Variants in BLNK observed in about 807,000 individuals in gnomAD.
BLNK encodes the protein B-cell linker protein.
Under a neutral mutation model 73.5 loss-of-function variants are expected in BLNK, and 29 were observed. The ratio of observed to expected loss-of-function variants is 0.39; its 90% CI spans 0.29 to 0.54. BLNK has a LOEUF of 0.54. BLNK is among the 20% of genes least tolerant of loss of function. BLNK has a pLI of 0.61. For missense variants in BLNK, 460 were observed against 562.8 expected (o/e 0.82, Z 1.85); for synonymous variants, 176 against 200.8 (o/e 0.88, Z 1.04).
chr10:96,256,760 A>G (rs1193837172), intron 1 of BLNK, among the ~76,000 whole-genome samples: 7 of 151,978 alleles, frequency 4.6e-5, no homozygotes, highest in Non-Finnish European at 8.8e-5. Flanking sequence ...GTGTGCCTGT[A>G]ATCCCAGCTA....
At position 96,190,846 on chromosome 10, in the gene BLNK, G is replaced by T. The variant is rs1464294909; in HGVS notation, c.*1127C>A. 6.6e-6 allele frequency among the ~76,000 whole-genome samples: 1 copy of T among 152,176 alleles called. No homozygotes were observed. The highest frequency in any genetic ancestry group is 1.5e-5 in the Non-Finnish European group (1 of 68,036). On this transcript the variant is annotated 3_prime_UTR_variant, in exon 17 of 17. Transcript: ENST00000224337. ...GATGGTATCTCTTTTATTCCTTGGT[G>T]TTCACCAATGTCTGCTTTTCTGCTC...
chr10:96,189,323 A>G lies in BLNK; in HGVS notation c.*2650T>C. 8 of 515,014 alleles carry G rather than the reference A, an allele frequency of 1.6e-5. No individual in the cohort carries two copies. Among genetic ancestry groups the G allele is most frequent in the South Asian group, 1.3e-4 (8 of 63,460 alleles). The allele number at this position is 515,014 out of a possible 1,614,324, so 31.9% of individuals were successfully genotyped here. On this transcript the variant is annotated 3_prime_UTR_variant, in exon 17 of 17. Transcript: ENST00000224337. ...TATTGACTGTTAGAGAAATGAAATA[A>G]GATGGAAAAATGTTAACAAATTGTT... is the stretch of plus-strand genomic sequence containing the variant.
rs587759007 is a variant in BLNK at position 96,237,656 on chromosome 10, G to A, written c.163+5079C>T. Among the ~76,000 whole-genome samples, 33 of 152,310 alleles carry A rather than the reference G, an allele frequency of 2.2e-4. No homozygotes were observed. The South Asian group carries it at 6.2e-3, about 29-fold the overall frequency. On this transcript the variant is annotated intron_variant, in intron 3 of 16. Coordinates refer to ENST00000224337, the MANE Select transcript of BLNK (RefSeq NM_013314.4). ...ACCTCAGACTTCAAAGATACCGAAG[G>A]CTGTTCAACTGTGAAAGCTCAGGAA...
intron 1 of BLNK, among the ~76,000 whole-genome samples, chr10:96,255,158 C>T (rs567162077): frequency 6.6e-6 from 1 of 152,300 alleles, no homozygotes; most frequent in East Asian, 1.9e-4. Flanking sequence ...TATCTGCAGA[C>T]TGAGAACAGC....
intron 2 of BLNK, among the ~76,000 whole-genome samples, chr10:96,243,676 T>C (rs1167845193): frequency 6.6e-6 from 1 of 152,224 alleles, no homozygotes; most frequent in African/African-American, 2.4e-5. Context: ...GGTGCTTTAG[T>C]ACCTTTATGC....
At chr10:96,259,213 C>G (rs1843641658) in intron 1 of BLNK, among the ~76,000 whole-genome samples, 1 of 152,218 alleles carries the variant, frequency 6.6e-6, no homozygotes, top group Non-Finnish European at 1.5e-5. Context: ...CTCTACCAAC[C>G]CAGTAATCTT....
Position 96,201,023 on chromosome 10 carries a change from G to T in BLNK, c.970C>A (p.Pro324Thr). 6.2e-7 allele frequency: 1 copy of T among 1,614,100 alleles called. No homozygotes were observed. Among genetic ancestry groups the T allele is most frequent in the Non-Finnish European group, 8.5e-7 (1 of 1,179,978 alleles). ...GAATTAGATGAAAAGCTGGGTAGGG[G>T]CCCATCCACAGTTGGGTTTCCCCCT... ...TEGGNPTVDG[P>T]LPSFSSNSTI... Residue 324 changes from proline (P) to threonine (T), a missense_variant, in exon 14 of 17, where the codon CCC (proline) becomes ACC (threonine). This residue lies in a region of BLNK where 233 missense variants were observed against 232.1 expected (regional missense o/e 1.00). Coordinates refer to ENST00000224337, the MANE Select transcript of BLNK (RefSeq NM_013314.4).
rs781958148 is a variant in BLNK, at chr10:96,192,095, A to G, written c.1252-3T>C. 2.5e-6 allele frequency: 4 copies of G among 1,613,438 alleles called. No homozygotes were observed. The highest frequency in any genetic ancestry group is 3.4e-6 in the Non-Finnish European group (4 of 1,179,684). On this transcript the variant is annotated splice_polypyrimidine_tract_variant and splice_region_variant and intron_variant, in intron 16 of 16. Coordinates refer to ENST00000224337, the MANE Select transcript of BLNK (RefSeq NM_013314.4). ...ATTTCAGCAACACTTCCAAAGTACT[A>G]GAGGAAGAAAACATAGATGAATTAT...
intron 10 of BLNK, among the ~76,000 whole-genome samples, chr10:96,207,391 C>A (rs191050467): frequency 2.6e-5 from 4 of 152,182 alleles, no homozygotes; most frequent in Non-Finnish European, 5.9e-5. Context: ...TCTCATGACC[C>A]CCCCCTTCTG....
intron 10 of BLNK, 30 bp downstream of exon 10, chr10:96,207,842 G>A (rs2083857510): frequency 6.2e-7 from 1 of 1,612,698 alleles, no homozygotes; most frequent in Non-Finnish European, 8.5e-7. Context: ...CAGGAAATAT[G>A]AAGCACTTTT....
Position 96,190,329 on chromosome 10 carries a change from G to A in BLNK, c.*1644C>T, listed in dbSNP as rs1414107800. On this transcript the variant is annotated 3_prime_UTR_variant, in exon 17 of 17. Transcript: ENST00000224337. ...ATCACGCCAGTAGTATTGTTCCTGTGTGTCTCTTCATATAGTCTTCTCTCT... is the reference window on the plus strand; with the variant it reads ...ATCACGCCAGTAGTATTGTTCCTGTATGTCTCTTCATATAGTCTTCTCTCT... The A allele has an allele frequency of 1.8e-5, 10 of 569,664 alleles. No homozygotes were observed. The highest frequency in any genetic ancestry group is 5.6e-5 in the South Asian group (3 of 53,840). 35.3% of individuals were successfully genotyped at this position (569,664 alleles called of 1,614,324 possible). A position where few individuals can be genotyped will look rare whatever the true frequency, so the allele number is the denominator to read the frequency against.
At chr10:96,199,455 G>A (rs587656948) in intron 15 of BLNK, 22 of 457,022 alleles carry the variant, frequency 4.8e-5, no homozygotes, top group Admixed American at 4.7e-4. Flanking sequence ...TGGAGCTCAT[G>A]CAGCACCAAG....
At chr10:96,264,021 T>C (rs1554913603) in intron 1 of BLNK, among the ~76,000 whole-genome samples, 2 of 152,156 alleles carry the variant, frequency 1.3e-5, no homozygotes, top group Admixed American at 6.5e-5. Flanking sequence ...CATCAGCAGG[T>C]GAGGCCCATT....
intron 3 of BLNK, among the ~76,000 whole-genome samples, chr10:96,236,170 A>G (rs1355324984): frequency 2.6e-5 from 4 of 152,174 alleles, no homozygotes; most frequent in African/African-American, 9.7e-5. Context: ...TGGTGGCATC[A>G]CAGCATGTCT....
rs1391911418 is a variant in BLNK at position 96,190,930 on chromosome 10, A to G, written c.*1043T>C. 6.6e-6 allele frequency among the ~76,000 whole-genome samples: 1 copy of G among 152,080 alleles called. No individual in the cohort carries two copies. The highest frequency in any genetic ancestry group is 1.5e-5 in the Non-Finnish European group (1 of 68,028). On this transcript the variant is annotated 3_prime_UTR_variant, in exon 17 of 17. Transcript: ENST00000224337. ...TTTAGTCTAGCTTTGCTGTCATTCC[A>G]CTTTGAAACTTGATATGGTTTGGCT...
intron 7 of BLNK, chr10:96,216,005 G>A (rs1349439528): frequency 6.2e-6 from 1 of 160,906 alleles, no homozygotes. Context: ...CCTGAATATG[G>A]CTACCATGGA....
chr10:96,247,679 C>T (rs1398996814), intron 1 of BLNK, among the ~76,000 whole-genome samples: 5 of 152,306 alleles, frequency 3.3e-5, no homozygotes, highest in East Asian at 3.9e-4. Flanking sequence ...TACCTTTGCA[C>T]TGCGTTATAG....
Position 96,190,075 on chromosome 10 carries a change from A to T in BLNK, c.*1898T>A. 1.2e-6 allele frequency: 1 copy of T among 855,054 alleles called. No individual in the cohort carries two copies. The highest frequency in any genetic ancestry group is 2.0e-6 in the Non-Finnish European group (1 of 502,666). 53.0% of individuals were successfully genotyped at this position (855,054 alleles called of 1,614,324 possible). ...CAGTTCATCCTTTGCACCAGCCCCTAAACTGACCGTTCTTAAGGATAACTG... is the reference window on the plus strand; with the variant it reads ...CAGTTCATCCTTTGCACCAGCCCCTTAACTGACCGTTCTTAAGGATAACTG... On this transcript the variant is annotated 3_prime_UTR_variant, in exon 17 of 17. Transcript: ENST00000224337.
At chr10:96,269,269 A>G (rs560778322) in intron 1 of BLNK, among the ~76,000 whole-genome samples, 1 of 152,312 alleles carries the variant, frequency 6.6e-6, no homozygotes, top group Admixed American at 6.5e-5. Flanking sequence ...TATATTGCCC[A>G]TCAACTACTC....
Sources: gnomAD v4.1 joint callset for allele counts (sites outside exome capture counted in the v4.1 genomes callset) on GRCh38, gnomAD v4.1.1 for gene constraint, gnomAD v4.1.1 regional missense constraint, MANE v1.5 for transcripts, NCBI Gene and HGNC (gene_info 2026-07-23, HGNC 2026-07-21) for gene names.